The following DGKB variants were observed in gnomAD, a reference collection of about 807,000 sequenced individuals.
DGKB encodes the protein 90 kDa diacylglycerol kinase.
DGKB carries 67 observed loss-of-function variants against 114.3 expected under a neutral mutation model. The observed-to-expected ratio is 0.59, with a 90% CI of 0.48 to 0.72. The LOEUF is 0.72. DGKB is among the 30% of genes least tolerant of loss of function. The probability of loss-of-function intolerance (pLI) is 0.00; values close to 1 mark genes in which losing one functional copy is unlikely to be tolerated. For synonymous variants in DGKB, 398 were observed against 323.1 expected (o/e 1.23, Z -2.49); for missense variants, 907 against 975.2 (o/e 0.93, Z 0.93).
intron 21 of DGKB, among the ~76,000 whole-genome samples, chr7:14,428,563 G>A (rs1180794431): frequency 6.6e-6 from 1 of 151,142 alleles, no homozygotes; most frequent in East Asian, 1.9e-4. Context: ...TTCTCTTTTT[G>A]TTTTCCCACA....
chr7:14,296,142 C>G (rs1802517930), intron 23 of DGKB, among the ~76,000 whole-genome samples: 1 of 151,860 alleles, frequency 6.6e-6, no homozygotes, highest in South Asian at 2.1e-4. Flanking sequence ...AGCAATTATC[C>G]TGCCTCAGAC....
At position 14,392,995 on chromosome 7, in the gene DGKB, G is replaced by GTTTTTTTTTTTTT. The variant is rs1554404748; in HGVS notation, c.1836-47617_1836-47605dup. Among the ~76,000 whole-genome samples, 41 of 60,480 alleles carry GTTTTTTTTTTTTT rather than the reference G, an allele frequency of 6.8e-4. 1 individual carries two copies. Among genetic ancestry groups the GTTTTTTTTTTTTT allele is most frequent in the African/African-American group, 1.8e-3 (37 of 20,622 alleles). 39.7% of individuals were successfully genotyped at this position (60,480 alleles called of 152,430 possible). A position where few individuals can be genotyped will look rare whatever the true frequency, so the allele number is the denominator to read the frequency against. ...CAAAACAGACCTGTTTTTTGTTTTT[G>GTTTTTTTTTTTTT]TTTTTTTTTTTTTGAGACGGAGTCT... On this transcript the variant is annotated intron_variant, in intron 21 of 25. Coordinates refer to ENST00000402815, the MANE Select transcript of DGKB (RefSeq NM_001350709.2).
At chr7:14,294,701 GT>G (rs1802266413) in intron 23 of DGKB, among the ~76,000 whole-genome samples, 1 of 152,136 alleles carries the variant, frequency 6.6e-6, no homozygotes, top group African/African-American at 2.4e-5. Flanking sequence ...CTCAAAAACA[GT>G]TAATACATTT....
At chr7:14,568,638 GA>G (rs1563540277) in intron 20 of DGKB, among the ~76,000 whole-genome samples, 1 of 152,154 alleles carries the variant, frequency 6.6e-6, no homozygotes, top group Non-Finnish European at 1.5e-5. Flanking sequence ...GTCACGTGAG[GA>G]AAAACTGATT....
intron 25 of DGKB, among the ~76,000 whole-genome samples, chr7:14,160,460 A>C (rs1783710646): frequency 6.6e-6 from 1 of 152,192 alleles, no homozygotes; most frequent in Non-Finnish European, 1.5e-5. Flanking sequence ...CAAGAATCAC[A>C]AGCATTCCTA....
At chr7:14,717,058 G>C (rs764975581) in intron 6 of DGKB, among the ~76,000 whole-genome samples, 3 of 151,952 alleles carry the variant, frequency 2.0e-5, no homozygotes, top group Non-Finnish European at 2.9e-5. Flanking sequence ...TGGCAGGTCA[G>C]TGGATGAGAT....
intron 9 of DGKB, among the ~76,000 whole-genome samples, chr7:14,692,170 A>T (rs1196293434): frequency 6.6e-6 from 1 of 151,722 alleles, no homozygotes; most frequent in African/African-American, 2.4e-5. Flanking sequence ...TATCAGCAGT[A>T]GTTTCCAAAA....
chr7:14,191,875 C>T, intron 23 of DGKB: 1 of 518,734 alleles, frequency 1.9e-6, no homozygotes. Context: ...ACATTGCTTG[C>T]CAGTTTGCTG....
intron 17 of DGKB, among the ~76,000 whole-genome samples, chr7:14,587,083 T>C (rs961836868): frequency 6.6e-6 from 1 of 152,114 alleles, no homozygotes; most frequent in African/African-American, 2.4e-5. Flanking sequence ...ATTTTGGGGA[T>C]CTGGGCAAAG....
At chr7:14,926,120 A>G (rs1784737346) in intron 1 of DGKB, among the ~76,000 whole-genome samples, 1 of 152,008 alleles carries the variant, frequency 6.6e-6, no homozygotes, top group Admixed American at 6.6e-5. Context: ...TTTTTCAAAC[A>G]CTTTTTTTGC....
chr7:14,491,951 C>T (rs997687634), intron 20 of DGKB, among the ~76,000 whole-genome samples: 8 of 151,936 alleles, frequency 5.3e-5, no homozygotes, highest in Admixed American at 2.6e-4. Context: ...TACCTCAGTG[C>T]TACAAAGAAC....
At chr7:14,933,649 T>G (rs1251888406) in intron 1 of DGKB, among the ~76,000 whole-genome samples, 1 of 152,152 alleles carries the variant, frequency 6.6e-6, no homozygotes, top group Non-Finnish European at 1.5e-5. Context: ...TTTCCAAAAC[T>G]AATGTATACA....
At chr7:14,336,632 C>T (rs191475330) in intron 23 of DGKB, among the ~76,000 whole-genome samples, 5 of 152,182 alleles carry the variant, frequency 3.3e-5, no homozygotes, top group South Asian at 2.1e-4. Context: ...GGAAAGAGAG[C>T]GCTTTTCCAA....
At chr7:14,490,028 A>C (rs59893344) in intron 20 of DGKB, among the ~76,000 whole-genome samples, 4,095 of 152,236 alleles carry the variant, frequency 0.027, 184 homozygotes, top group African/African-American at 0.092. Flanking sequence ...CATTAACTCA[A>C]GAACGCCAAC....
intron 23 of DGKB, among the ~76,000 whole-genome samples, chr7:14,246,216 A>T (rs533391112): frequency 6.6e-6 from 1 of 152,188 alleles, no homozygotes; most frequent in Non-Finnish European, 1.5e-5. Flanking sequence ...TAAAATCTAC[A>T]TATATTGGCT....
intron 17 of DGKB, among the ~76,000 whole-genome samples, chr7:14,592,314 TG>T (rs1331495275): frequency 6.6e-6 from 1 of 151,948 alleles, no homozygotes; most frequent in African/African-American, 2.4e-5. Flanking sequence ...TCCTCGTTCT[TG>T]TTTAGAAAAA....
chr7:14,332,023 A>G (rs1199553830), intron 23 of DGKB, among the ~76,000 whole-genome samples: 1 of 152,196 alleles, frequency 6.6e-6, no homozygotes, highest in African/African-American at 2.4e-5. Flanking sequence ...ATTTTATCCA[A>G]GATGATGAAG....
At chr7:14,647,070 G>C (rs1351405975) in intron 13 of DGKB, among the ~76,000 whole-genome samples, 2 of 151,726 alleles carry the variant, frequency 1.3e-5, no homozygotes, top group African/African-American at 2.4e-5. Flanking sequence ...ACGACAATTA[G>C]ACTAAGAAAT....
At chr7:14,613,156 G>T (rs1342750403) in intron 16 of DGKB, among the ~76,000 whole-genome samples, 184 bp downstream of exon 16, 1 of 151,980 alleles carries the variant, frequency 6.6e-6, no homozygotes, top group Non-Finnish European at 1.5e-5. Flanking sequence ...GTTACAAAAG[G>T]CCATTGTATT....
Sources: allele counts gnomAD v4.1 joint callset (sites outside exome capture counted in the v4.1 genomes callset), GRCh38; gene constraint gnomAD v4.1.1; transcripts MANE v1.5; gene names NCBI Gene and HGNC (gene_info 2026-07-23, HGNC 2026-07-21).